SPECC1L: variants seen among roughly 807,000 people sequenced by gnomAD.
The protein encoded by SPECC1L is cytospin-A.
In SPECC1L, 40 loss-of-function variants were observed where a neutral mutation model predicts 116.8. The ratio of observed to expected loss-of-function variants is 0.34; its 90% CI spans 0.27 to 0.45. The LOEUF is 0.45. Ranked by LOEUF, SPECC1L falls within the 20% of genes least tolerant of loss-of-function variation. The pLI, the probability that SPECC1L is intolerant of heterozygous loss-of-function variation, is 1.00. For synonymous variants in SPECC1L, 504 were observed against 500.6 expected (o/e 1.01, Z -0.09); for missense variants, 1,110 against 1,373.6 (o/e 0.81, Z 3.03).
intron 9 of SPECC1L, among the ~76,000 whole-genome samples, chr22:24,335,630 A>G (rs997799976): frequency 6.6e-6 from 1 of 152,246 alleles, no homozygotes; most frequent in African/African-American, 2.4e-5. Flanking sequence ...GGCTACTAGA[A>G]TCTGTATTCT....
intron 2 of SPECC1L, among the ~76,000 whole-genome samples, chr22:24,290,616 C>T (rs945084191): frequency 5.3e-5 from 8 of 152,186 alleles, no homozygotes; most frequent in Non-Finnish European, 1.0e-4. Flanking sequence ...CATCTTACCC[C>T]TGCTTCTCTC....
chr22:24,375,599 TTA>T (rs1378030545), intron 14 of SPECC1L, among the ~76,000 whole-genome samples: 1 of 152,204 alleles, frequency 6.6e-6, no homozygotes, highest in African/African-American at 2.4e-5. Flanking sequence ...CAGCAGCCAT[TTA>T]TGATTTTAAA....
chr22:24,296,659 A>G (rs933487923), intron 2 of SPECC1L, among the ~76,000 whole-genome samples: 3 of 152,260 alleles, frequency 2.0e-5, no homozygotes, highest in Non-Finnish European at 4.4e-5. Context: ...TCTGCTCTGT[A>G]ATCTCTGCCT....
chr22:24,384,848 G>A (rs570672719), intron 14 of SPECC1L, among the ~76,000 whole-genome samples: 8 of 152,210 alleles, frequency 5.3e-5, no homozygotes, highest in South Asian at 2.1e-4. Flanking sequence ...AGGCCAAGGT[G>A]GGCGGATCAT....
chr22:24,321,372 G>T lies in SPECC1L; in HGVS notation c.392G>T (p.Arg131Leu), dbSNP rs200724810. The change falls in exon 5 of 17, where the codon CGA (arginine) becomes CTA (leucine). Residue 131 changes from arginine (R) to leucine (L), a missense_variant. Physicochemically the swap from Arg to Leu is moderately radical, Grantham distance 102 (BLOSUM62 -2). Around this residue, in one of 4 missense-constraint regions of SPECC1L, gnomAD observed 437 missense variants for 482.6 expected, o/e 0.91. Coordinates refer to ENST00000314328, the MANE Select transcript of SPECC1L (RefSeq NM_015330.6). ...AGAGAAAGATTACGTGAACGTACCC[G>T]ATTAAACCAGAGCAAAAAACTACCT... ...STRERLRERT[R>L]LNQSKKLPSA... is the part of the protein sequence containing the mutation. The T allele has an allele frequency of 6.8e-6, 11 of 1,614,232 alleles. No individual in the cohort carries two copies. The East Asian group carries it at 2.5e-4, about 36-fold the overall frequency.
At chr22:24,307,496 T>A (rs1276416067) in intron 3 of SPECC1L, among the ~76,000 whole-genome samples, 1 of 152,124 alleles carries the variant, frequency 6.6e-6, no homozygotes, top group African/African-American at 2.4e-5. Flanking sequence ...CATAAAGGTA[T>A]GATACCTTTA....
chr22:24,346,011 GTTT>G, intron 10 of SPECC1L, among the ~76,000 whole-genome samples: 1 of 141,690 alleles, frequency 7.1e-6, no homozygotes. Context: ...TGTTTTTTTT[GTTT>G]TTTTTTTTTT....
intron 1 of SPECC1L, among the ~76,000 whole-genome samples, chr22:24,272,555 C>A (rs1569397083): frequency 6.6e-6 from 1 of 152,086 alleles, no homozygotes. Flanking sequence ...CGCTTGTGAT[C>A]CCAGCGGCTC....
intron 11 of SPECC1L, among the ~76,000 whole-genome samples, chr22:24,349,150 C>A (rs993856387): frequency 1.3e-5 from 2 of 152,136 alleles, no homozygotes; most frequent in Non-Finnish European, 2.9e-5. Context: ...AAGTGATTCT[C>A]CTGCCTCAGC....
At chr22:24,374,420 C>T (rs993453904) in intron 14 of SPECC1L, among the ~76,000 whole-genome samples, 3 of 152,020 alleles carry the variant, frequency 2.0e-5, no homozygotes, top group African/African-American at 4.8e-5. Context: ...GGCACATATA[C>T]ACCATGGAAT....
At chr22:24,286,569 A>T (rs2049047638) in intron 2 of SPECC1L, among the ~76,000 whole-genome samples, 1 of 152,184 alleles carries the variant, frequency 6.6e-6, no homozygotes. Flanking sequence ...ATTTGAAAGG[A>T]AGTACTTTTT....
chr22:24,380,672 C>G (rs542262695), intron 14 of SPECC1L, among the ~76,000 whole-genome samples: 80 of 152,286 alleles, frequency 5.3e-4, no homozygotes, highest in African/African-American at 1.6e-3. Context: ...TGCCATTTAT[C>G]ATACATTGAA....
chr22:24,331,668 G>C (rs916841651), intron 8 of SPECC1L, among the ~76,000 whole-genome samples: 1 of 152,138 alleles, frequency 6.6e-6, no homozygotes, highest in African/African-American at 2.4e-5. Context: ...TAAGGACTCT[G>C]TGAGGTCATA....
intron 9 of SPECC1L, among the ~76,000 whole-genome samples, chr22:24,338,035 T>C (rs993614243): frequency 6.6e-6 from 1 of 152,230 alleles, no homozygotes; most frequent in African/African-American, 2.4e-5. Flanking sequence ...GCTTCTTACC[T>C]GATATAGTTA....
chr22:24,392,622 A>G (rs1242390790), intron 14 of SPECC1L, among the ~76,000 whole-genome samples: 1 of 152,264 alleles, frequency 6.6e-6, no homozygotes, highest in Admixed American at 6.5e-5. Context: ...GTAATTAGCC[A>G]TTAGACAACA....
intron 14 of SPECC1L, among the ~76,000 whole-genome samples, chr22:24,373,209 T>C (rs1235491161): frequency 6.6e-6 from 1 of 152,136 alleles, no homozygotes; most frequent in Non-Finnish European, 1.5e-5. Flanking sequence ...CCCAAGGTAA[T>C]TTATAGATTC....
chr22:24,300,012 T>C (rs2049345137), intron 2 of SPECC1L, among the ~76,000 whole-genome samples: 1 of 152,232 alleles, frequency 6.6e-6, no homozygotes, highest in African/African-American at 2.4e-5. Flanking sequence ...CCAGTTTTTT[T>C]GTTCTTTATT....
intron 15 of SPECC1L, among the ~76,000 whole-genome samples, 175 bp downstream of exon 15, chr22:24,411,879 C>T (rs1381840603): frequency 2.6e-5 from 4 of 152,380 alleles, no homozygotes; most frequent in African/African-American, 9.6e-5. Context: ...GTCCCTGTCC[C>T]ACCTTGTGTG....
rs2040810414 is a variant in SPECC1L, at chr22:24,325,851, A to G, written c.2146+1424A>G. On this transcript the variant is annotated intron_variant, in intron 6 of 16. Transcript: ENST00000314328. ...GTGTGTATTATGTTTAACAGTAAGT[A>G]GATGTGTCATGTCCTTTGTGACAAG... Among the ~76,000 whole-genome samples, 3 of 152,206 alleles carry G rather than the reference A, an allele frequency of 2.0e-5. No homozygotes were observed. The South Asian group carries it at 6.2e-4, about 31-fold the overall frequency.
Sources: gnomAD v4.1 joint callset for allele counts (sites outside exome capture counted in the v4.1 genomes callset) on GRCh38, gnomAD v4.1.1 for gene constraint, gnomAD v4.1.1 regional missense constraint, MANE v1.5 for transcripts, NCBI Gene and HGNC (gene_info 2026-07-23, HGNC 2026-07-21) for gene names.